The following TAOK1 variants were observed in gnomAD, a reference collection of about 807,000 sequenced individuals.
TAOK1 encodes serine/threonine-protein kinase TAO1.
Under a neutral mutation model 138.3 loss-of-function variants are expected in TAOK1, and 21 were observed. The ratio of observed to expected loss-of-function variants is 0.15; its 90% CI spans 0.11 to 0.22. The LOEUF is 0.22. Ranked by LOEUF, TAOK1 falls within the 10% of genes least tolerant of loss-of-function variation. The pLI, the probability that TAOK1 is intolerant of heterozygous loss-of-function variation, is 1.00. For missense variants in TAOK1, 651 were observed against 1,227.7 expected, an observed-to-expected ratio of 0.53 and a Z score of 7.02; for synonymous variants, 361 against 398.4, an observed-to-expected ratio of 0.91 and a Z score of 1.12.
Position 29,530,430 on chromosome 17 carries a change from G to A in TAOK1, c.2172G>A (p.Lys724=), listed in dbSNP as rs780251884. 6.2e-7 allele frequency: 1 copy of A among 1,613,800 alleles called. No homozygotes were observed. Among genetic ancestry groups the A allele is most frequent in the East Asian group, 2.2e-5 (1 of 44,880 alleles). The change falls in exon 18 of 20, where the codon AAG becomes AAA. Residue 724 remains lysine (K), a synonymous_variant. Coordinates refer to ENST00000261716, the MANE Select transcript of TAOK1 (RefSeq NM_020791.4). ...AGTCTAAAGAACTCCAAATAAAAAAGCAGTTTCAGGATACCTGCAAAATCC... is the reference window on the plus strand; with the variant it reads ...AGTCTAAAGAACTCCAAATAAAAAAACAGTTTCAGGATACCTGCAAAATCC... ...SLKSKELQIK[K]QFQDTCKIQT... is the part of the protein sequence containing the mutation.
At position 29,502,648 on chromosome 17, in the gene TAOK1, T is replaced by A. The variant is rs1464644941; in HGVS notation, c.1263T>A (p.Ser421=). 6.2e-7 allele frequency: 1 copy of A among 1,613,686 alleles called. No homozygotes were observed. The highest frequency in any genetic ancestry group is 2.2e-5 in the East Asian group (1 of 44,856). The change falls in exon 13 of 20, where the codon TCT becomes TCA. Residue 421 remains serine, a synonymous_variant. Coordinates refer to ENST00000261716, the MANE Select transcript of TAOK1 (RefSeq NM_020791.4). ...GAACAAGAGCATCAGATCCACAATCTCCACCCCAAGTATCTCGTCACAAAT... is the reference window on the plus strand; with the variant it reads ...GAACAAGAGCATCAGATCCACAATCACCACCCCAAGTATCTCGTCACAAAT... ...DPRTRASDPQ[S]PPQVSRHKSH...
chr17:29,519,436 C>T (rs2031877248), intron 16 of TAOK1, among the ~76,000 whole-genome samples: 1 of 151,852 alleles, frequency 6.6e-6, no homozygotes, highest in South Asian at 2.1e-4. Flanking sequence ...TGAGAATCAA[C>T]TGAACCCAAG....
At chr17:29,424,220 A>G (rs1199791920) in intron 1 of TAOK1, among the ~76,000 whole-genome samples, 2 of 151,958 alleles carry the variant, frequency 1.3e-5, no homozygotes, top group African/African-American at 4.8e-5. Context: ...GCAGATCACA[A>G]GGGCAGGAGA....
At chr17:29,465,128 A>AT (rs57794003) in intron 2 of TAOK1, among the ~76,000 whole-genome samples, 11,294 of 63,324 alleles carry the variant, frequency 0.18, 2,908 homozygotes, top group Non-Finnish European at 0.21. Context: ...GTCTTATTTA[A>AT]TTTTTTTTTT....
At chr17:29,425,480 A>T (rs986980798) in intron 1 of TAOK1, among the ~76,000 whole-genome samples, 4 of 152,094 alleles carry the variant, frequency 2.6e-5, no homozygotes, top group Non-Finnish European at 5.9e-5. Context: ...CGAGTTTGAG[A>T]CCAGCCTGGG....
chr17:29,488,844 G>A (rs1196835537), intron 8 of TAOK1, among the ~76,000 whole-genome samples: 3 of 152,016 alleles, frequency 2.0e-5, no homozygotes, highest in African/African-American at 7.2e-5. Flanking sequence ...GAGATCAGTT[G>A]AATAGAAAAC....
At chr17:29,435,445 C>T (rs1905996258) in intron 1 of TAOK1, among the ~76,000 whole-genome samples, 1 of 152,136 alleles carries the variant, frequency 6.6e-6, no homozygotes, top group Non-Finnish European at 1.5e-5. Flanking sequence ...ATAATTATGT[C>T]TACATAGGCC....
rs1348376115 is a variant in TAOK1, at chr17:29,455,280, G to C, written c.132+3600G>C. Reference sequence around the variant, plus strand: ...TACTTTCTTAATTCCGTGTGAAATTGTTCATTGCTGATGTATAGAAACATA... The same window carrying C: ...TACTTTCTTAATTCCGTGTGAAATTCTTCATTGCTGATGTATAGAAACATA... On this transcript the variant is annotated intron_variant, in intron 2 of 19. Coordinates refer to ENST00000261716, the MANE Select transcript of TAOK1 (RefSeq NM_020791.4). Among the ~76,000 whole-genome samples, 16 of 150,436 alleles carry C rather than the reference G, an allele frequency of 1.1e-4. 1 individual carries two copies. The highest frequency in any genetic ancestry group is 1.1e-3 in the Admixed American group (16 of 15,232).
chr17:29,460,566 T>G (rs922535942), intron 2 of TAOK1, among the ~76,000 whole-genome samples: 2 of 152,174 alleles, frequency 1.3e-5, no homozygotes, highest in Non-Finnish European at 2.9e-5. Flanking sequence ...ACTAAAGATG[T>G]AATGGGAGAA....
rs2032411641 is a variant in TAOK1, at chr17:29,546,910, CTT to C, written c.*3891_*3892del. On this transcript the variant is annotated 3_prime_UTR_variant, in exon 20 of 20. Transcript: ENST00000261716. ...TGAGAAGGTGGTCATTAGATGCAGT[CTT>C]TTCCTTTTTAATCCCCTCTTAGCAC... is the stretch of plus-strand genomic sequence containing the variant. The C allele has an allele frequency of 6.6e-6, 1 of 152,098 alleles. No homozygotes were observed. 9.4% of individuals were successfully genotyped at this position (152,098 alleles called of 1,614,324 possible).
chr17:29,459,199 T>C (rs1169499968), intron 2 of TAOK1, among the ~76,000 whole-genome samples: 2 of 152,192 alleles, frequency 1.3e-5, no homozygotes, highest in African/African-American at 4.8e-5. Context: ...CTGTTTTCCT[T>C]TCACAAGTTC....
At chr17:29,449,884 T>G (rs924616963) in intron 1 of TAOK1, among the ~76,000 whole-genome samples, 3 of 152,056 alleles carry the variant, frequency 2.0e-5, no homozygotes, top group Admixed American at 6.6e-5. Flanking sequence ...TTTTGGAGTT[T>G]TTAAAAATTG....
chr17:29,522,348 G>C lies in TAOK1; in HGVS notation c.1977G>C (p.Met659Ile), dbSNP rs2031934637. ...HAMLLRQHES[M>I]QELEFRHLNT... Reference sequence around the variant, plus strand: ...TGCTACTCCGACAGCATGAATCTATGCAAGAACTGGAGTTCCGCCACCTCA... The same window carrying C: ...TGCTACTCCGACAGCATGAATCTATCCAAGAACTGGAGTTCCGCCACCTCA... Residue 659 changes from methionine (M) to isoleucine (I), a missense_variant, in exon 17 of 20, where the codon ATG becomes ATC. Around this residue, in one of 8 missense-constraint regions of TAOK1, gnomAD observed 258 missense variants for 548.9 expected, o/e 0.47. Transcript: ENST00000261716. 3.1e-6 allele frequency: 5 copies of C among 1,614,228 alleles called. 1 individual carries two copies. The East Asian group carries it at 1.1e-4, about 36-fold the overall frequency.
intron 1 of TAOK1, among the ~76,000 whole-genome samples, chr17:29,429,571 C>T (rs963407787): frequency 2.6e-5 from 4 of 152,110 alleles, no homozygotes; most frequent in East Asian, 3.9e-4. Flanking sequence ...CCACCATGCC[C>T]GGCCTTTCCT....
Position 29,495,673 on chromosome 17 carries a change from C to G in TAOK1, c.945C>G (p.Leu315=), listed in dbSNP as rs541790141. 1 of 1,610,976 alleles carries G rather than the reference C, an allele frequency of 6.2e-7. No individual in the cohort carries two copies. Among genetic ancestry groups the G allele is most frequent in the South Asian group, 1.1e-5 (1 of 90,652 alleles). ...TGCAGTATCGAAAGATGAAGAAACTCCTTTTCCAGGAGGCACATAATGGAC... is the reference window on the plus strand; with the variant it reads ...TGCAGTATCGAAAGATGAAGAAACTGCTTTTCCAGGAGGCACATAATGGAC... ...DNLQYRKMKK[L]LFQEAHNGPA... is the part of the protein sequence containing the mutation. Residue 315 remains leucine (L), a synonymous_variant, in exon 11 of 20, where the codon CTC becomes CTG. Coordinates refer to ENST00000261716, the MANE Select transcript of TAOK1 (RefSeq NM_020791.4).
Position 29,510,332 on chromosome 17 carries a change from G to A in TAOK1, c.1576-532G>A, listed in dbSNP as rs529892246. Among the ~76,000 whole-genome samples, 11 of 152,262 alleles carry A rather than the reference G, an allele frequency of 7.2e-5. No homozygotes were observed. In the South Asian group the frequency reaches 2.3e-3, roughly 32 times the overall value. ...GCGGAGGTTGCAGTGAGCCGAGCTC[G>A]TGCCACTGCACTGCAGCCAGGGTAA... On this transcript the variant is annotated intron_variant, in intron 14 of 19. Transcript: ENST00000261716.
At chr17:29,486,496 G>C (rs1387043923) in intron 8 of TAOK1, among the ~76,000 whole-genome samples, 2 of 152,198 alleles carry the variant, frequency 1.3e-5, no homozygotes, top group East Asian at 3.9e-4. Flanking sequence ...AGCTGGGCGT[G>C]GTGGCGCATC....
At position 29,545,159 on chromosome 17, in the gene TAOK1, A is replaced by G; in HGVS notation, c.*2137A>G. The G allele has an allele frequency of 6.6e-6, 1 of 152,296 alleles. No individual in the cohort carries two copies. The highest frequency in any genetic ancestry group is 1.5e-5 in the Non-Finnish European group (1 of 68,024). 9.4% of individuals were successfully genotyped at this position (152,296 alleles called of 1,614,324 possible). ...GCTCCAGGTCACCGGTTTTTAGGTAAACATGACATGACATGTACTTGTAAT... is the reference window on the plus strand; with the variant it reads ...GCTCCAGGTCACCGGTTTTTAGGTAGACATGACATGACATGTACTTGTAAT... On this transcript the variant is annotated 3_prime_UTR_variant, in exon 20 of 20. Transcript: ENST00000261716.
intron 1 of TAOK1, among the ~76,000 whole-genome samples, chr17:29,446,256 G>C (rs1015261520): frequency 1.1e-4 from 17 of 151,834 alleles, no homozygotes; most frequent in African/African-American, 3.9e-4. Context: ...TTGGCCTTTT[G>C]TTTTCTATTT....
Sources: gnomAD v4.1 joint callset for allele counts (sites outside exome capture counted in the v4.1 genomes callset) on GRCh38, gnomAD v4.1.1 for gene constraint, gnomAD v4.1.1 regional missense constraint, MANE v1.5 for transcripts, NCBI Gene and HGNC (gene_info 2026-07-23, HGNC 2026-07-21) for gene names.